Variants in HS6ST3 observed in about 807,000 individuals in gnomAD.
The protein encoded by HS6ST3 is heparan-sulfate 6-O-sulfotransferase 3.
In HS6ST3, 12 loss-of-function variants were observed where a neutral mutation model predicts 36.7. The ratio of observed to expected loss-of-function variants is 0.33; its 90% confidence interval spans 0.21 to 0.53. HS6ST3 has a LOEUF of 0.53. Among genes scored for constraint, HS6ST3 ranks in the 20% least tolerant of loss-of-function variants. The pLI, the probability that HS6ST3 is intolerant of heterozygous loss-of-function variation, is 0.95. For missense variants in HS6ST3, 584 were observed against 640.9 expected (o/e 0.91, Z 0.96); for synonymous variants, 240 against 257.5 (o/e 0.93, Z 0.65).
chr13:96,549,046 C>T (rs1485476116), intron 1 of HS6ST3, among the ~76,000 whole-genome samples: 1 of 152,198 alleles, frequency 6.6e-6, no homozygotes, highest in East Asian at 1.9e-4. Flanking sequence ...AGTTCTTCAA[C>T]CTGAACCTCT....
intron 1 of HS6ST3, among the ~76,000 whole-genome samples, chr13:96,670,916 A>G (rs548537882): frequency 6.6e-6 from 1 of 152,042 alleles, no homozygotes; most frequent in Non-Finnish European, 1.5e-5. Context: ...CCTACTGCTG[A>G]TATTCCCCTC....
At chr13:96,638,316 T>C (rs2056557017) in intron 1 of HS6ST3, among the ~76,000 whole-genome samples, 1 of 152,096 alleles carries the variant, frequency 6.6e-6, no homozygotes, top group South Asian at 2.1e-4. Context: ...TGAGGTAATA[T>C]TTAAATTGAG....
At chr13:96,583,780 G>C (rs770586054) in intron 1 of HS6ST3, among the ~76,000 whole-genome samples, 2 of 152,096 alleles carry the variant, frequency 1.3e-5, no homozygotes, top group Admixed American at 6.6e-5. Flanking sequence ...TAACTCCAAT[G>C]AGACCTCCTT....
intron 1 of HS6ST3, among the ~76,000 whole-genome samples, chr13:96,533,506 C>G (rs1053326745): frequency 1.3e-5 from 2 of 152,180 alleles, no homozygotes; most frequent in Non-Finnish European, 2.9e-5. Flanking sequence ...AATCTGATTT[C>G]CATGCTGCTT....
At chr13:96,425,059 T>G (rs997627838) in intron 1 of HS6ST3, among the ~76,000 whole-genome samples, 1 of 152,158 alleles carries the variant, frequency 6.6e-6, no homozygotes, top group African/African-American at 2.4e-5. Context: ...GAGGGGTAAG[T>G]ATGACTACCG....
In HS6ST3 at chr13:96,318,692, A is replaced by G. The variant is rs548249016; in HGVS notation, c.707+227123A>G. ...TTTTTTTGGCCTTGTCAAAGATCAG[A>G]TGGTTGTAAATGTGTGGCTTTATTT... On this transcript the variant is annotated intron_variant, in intron 1 of 1. Coordinates refer to ENST00000376705, the MANE Select transcript of HS6ST3 (RefSeq NM_153456.4). Among the ~76,000 whole-genome samples, 3 of 151,974 alleles carry G rather than the reference A, an allele frequency of 2.0e-5. 1 individual carries two copies. Among genetic ancestry groups the G allele is most frequent in the African/African-American group, 7.2e-5 (3 of 41,448 alleles).
chr13:96,251,215 G>T (rs1020775634), intron 1 of HS6ST3, among the ~76,000 whole-genome samples: 1 of 151,952 alleles, frequency 6.6e-6, no homozygotes, highest in Non-Finnish European at 1.5e-5. Context: ...TCTGGTCTCG[G>T]GCTTTTCCTT....
chr13:96,553,581 G>C (rs1174225146), intron 1 of HS6ST3, among the ~76,000 whole-genome samples: 1 of 152,210 alleles, frequency 6.6e-6, no homozygotes, highest in Non-Finnish European at 1.5e-5. Context: ...AGCAGGTGTA[G>C]AGATAGGAAA....
intron 1 of HS6ST3, among the ~76,000 whole-genome samples, chr13:96,202,955 A>G (rs375444117): frequency 4.6e-5 from 7 of 152,324 alleles, no homozygotes; most frequent in South Asian, 2.1e-4. Flanking sequence ...AGACTCATCA[A>G]TGATAAAGGC....
chr13:96,831,497 A>T (rs1456949968), intron 1 of HS6ST3, among the ~76,000 whole-genome samples: 1 of 152,090 alleles, frequency 6.6e-6, no homozygotes, highest in African/African-American at 2.4e-5. Flanking sequence ...TAACAATAAA[A>T]CCCATTTTAC....
chr13:96,138,520 CAT>C lies in HS6ST3; in HGVS notation c.707+46952_707+46953del, dbSNP rs1233545731. 2.0e-4 allele frequency among the ~76,000 whole-genome samples: 31 copies of C among 151,452 alleles called. No individual in the cohort carries two copies. In the East Asian group the frequency reaches 3.9e-3, roughly 19 times the overall value. On this transcript the variant is annotated intron_variant, in intron 1 of 1. Coordinates refer to ENST00000376705, the MANE Select transcript of HS6ST3 (RefSeq NM_153456.4). Reference sequence around the variant, plus strand: ...GTTAATAAAATTTGATACATTTTCACATGTTTGTACCATAAAACCGTCACCAC... The same window carrying C: ...GTTAATAAAATTTGATACATTTTCACGTTTGTACCATAAAACCGTCACCAC...
Position 96,416,830 on chromosome 13 carries a change from G to A in HS6ST3, c.707+325261G>A, listed in dbSNP as rs570737936. 1.7e-3 allele frequency among the ~76,000 whole-genome samples: 261 copies of A among 149,666 alleles called. 3 individuals are homozygous for A. The highest frequency in any genetic ancestry group is 0.017 in the South Asian group (80 of 4,744). On this transcript the variant is annotated intron_variant, in intron 1 of 1. Transcript: ENST00000376705. The stretch of plus-strand genomic sequence containing the variant: ...TGCAGTGGCACGATCTCGGCTCACT[G>A]CAAGCTCTGCCTCTCGGGTTCACGC...
intron 1 of HS6ST3, among the ~76,000 whole-genome samples, chr13:96,715,960 A>G (rs568031615): frequency 2.6e-5 from 4 of 151,936 alleles, no homozygotes; most frequent in Non-Finnish European, 5.9e-5. Flanking sequence ...CAGATTGATA[A>G]TATCTACATT....
chr13:96,192,582 G>A (rs758797677), intron 1 of HS6ST3, among the ~76,000 whole-genome samples: 4 of 137,480 alleles, frequency 2.9e-5, no homozygotes, highest in Non-Finnish European at 6.2e-5. Context: ...TTTTATGGCT[G>A]TGTATATTCC....
chr13:96,589,391 C>CT (rs2056374666), intron 1 of HS6ST3, among the ~76,000 whole-genome samples: 1 of 151,882 alleles, frequency 6.6e-6, no homozygotes, highest in Non-Finnish European at 1.5e-5. Context: ...GTAATGTCTC[C>CT]TTTTTAATTT....
intron 1 of HS6ST3, among the ~76,000 whole-genome samples, chr13:96,218,202 G>A (rs1196593765): frequency 1.3e-5 from 2 of 152,158 alleles, no homozygotes; most frequent in Non-Finnish European, 2.9e-5. Flanking sequence ...GAAGTGGGTG[G>A]CTACTGAAAC....
At chr13:96,307,550 T>C (rs2054919816) in intron 1 of HS6ST3, among the ~76,000 whole-genome samples, 1 of 152,094 alleles carries the variant, frequency 6.6e-6, no homozygotes, top group Non-Finnish European at 1.5e-5. Flanking sequence ...TCTGAACCTG[T>C]GGTGTTTACT....
At chr13:96,827,732 A>G (rs1309517437) in intron 1 of HS6ST3, among the ~76,000 whole-genome samples, 1 of 152,222 alleles carries the variant, frequency 6.6e-6, no homozygotes, top group African/African-American at 2.4e-5. Context: ...TGGCTAGTCA[A>G]TGTTTGATGC....
intron 1 of HS6ST3, among the ~76,000 whole-genome samples, chr13:96,152,321 T>TTTTTTG (rs2054089019): frequency 1.3e-5 from 1 of 74,788 alleles, no homozygotes; most frequent in East Asian, 4.0e-4. Context: ...CTTTCCTTTT[T>TTTTTTG]TTTTTTTTTT....
Sources: allele counts gnomAD v4.1 joint callset (sites outside exome capture counted in the v4.1 genomes callset), GRCh38; gene constraint gnomAD v4.1.1; transcripts MANE v1.5; gene names NCBI Gene and HGNC (gene_info 2026-07-23, HGNC 2026-07-21).